GRID2: variants seen among roughly 807,000 people sequenced by gnomAD.
The protein encoded by GRID2 is glutamate receptor ionotropic, delta-2.
GRID2 carries 33 observed loss-of-function variants against 114.8 expected under a neutral mutation model. The observed-to-expected ratio is 0.29, with a 90% CI of 0.22 to 0.38. The LOEUF is 0.38. Ranked by LOEUF, GRID2 falls within the 10% of genes least tolerant of loss-of-function variation. The probability of loss-of-function intolerance (pLI) is 1.00; values close to 1 mark genes in which losing one functional copy is unlikely to be tolerated. For missense variants in GRID2, 1,184 were observed against 1,257.7 expected (o/e 0.94, Z 0.89); for synonymous variants, 505 against 449.9 (o/e 1.12, Z -1.55).
intron 2 of GRID2, among the ~76,000 whole-genome samples, chr4:93,011,752 G>C (rs1216707222): frequency 6.6e-6 from 1 of 152,030 alleles, no homozygotes; most frequent in Non-Finnish European, 1.5e-5. Context: ...ACTGGGAGAT[G>C]GCTTAGTTTT....
At chr4:93,574,235 TC>T (rs1560768511) in intron 13 of GRID2, among the ~76,000 whole-genome samples, 1 of 152,150 alleles carries the variant, frequency 6.6e-6, no homozygotes, top group African/African-American at 2.4e-5. Context: ...CATTTATCTT[TC>T]CTGTAGTGAA....
In GRID2 at chr4:93,731,617, G is replaced by A. The variant is rs141734943; in HGVS notation, c.2361-37593G>A. Among the ~76,000 whole-genome samples, 350 of 152,280 alleles carry A rather than the reference G, an allele frequency of 2.3e-3. 2 individuals are homozygous for A. The highest frequency in any genetic ancestry group is 8.1e-3 in the African/African-American group (337 of 41,548). On this transcript the variant is annotated intron_variant, in intron 14 of 15. Transcript: ENST00000282020. ...AAGGCAGGGAAGAGAAAAAGCCCCA[G>A]GACCTGGGGTGAAGCCTTCTAAGCA... is the stretch of plus-strand genomic sequence containing the variant.
At position 93,067,691 on chromosome 4, in the gene GRID2, G is replaced by GA. The variant is rs199752501; in HGVS notation, c.245-17295dup. 4.1e-4 allele frequency among the ~76,000 whole-genome samples: 61 copies of GA among 150,308 alleles called. No individual in the cohort carries two copies. The East Asian group carries it at 0.01, about 25-fold the overall frequency. ...AAAAAGAGATTTTCCTCTTCAGTTA[G>GA]AAAAAAAAACTTTCAAGAGCCACCT... On this transcript the variant is annotated intron_variant, in intron 2 of 15. Transcript: ENST00000282020.
intron 1 of GRID2, among the ~76,000 whole-genome samples, chr4:92,507,511 C>A (rs2149128657): frequency 6.6e-6 from 1 of 151,816 alleles, no homozygotes. Context: ...CTCCCTTTCA[C>A]TATTCCTCAT....
intron 2 of GRID2, among the ~76,000 whole-genome samples, chr4:92,903,299 C>A (rs1371821185): frequency 1.3e-5 from 2 of 151,496 alleles, no homozygotes; most frequent in Admixed American, 6.6e-5. Context: ...ACAATGTGAA[C>A]TCAGGCAGAT....
chr4:93,033,705 A>G (rs1724654161), intron 2 of GRID2, among the ~76,000 whole-genome samples: 1 of 151,714 alleles, frequency 6.6e-6, no homozygotes, highest in East Asian at 1.9e-4. Context: ...TTCTGTTTCA[A>G]CTTTTTTTCA....
intron 14 of GRID2, among the ~76,000 whole-genome samples, chr4:93,760,213 A>G (rs1733090234): frequency 1.3e-5 from 2 of 152,170 alleles, no homozygotes; most frequent in Non-Finnish European, 1.5e-5. Flanking sequence ...CACTGTTTTG[A>G]AAAGGCCTTT....
At chr4:92,776,588 T>C (rs1233658500) in intron 2 of GRID2, among the ~76,000 whole-genome samples, 1 of 152,004 alleles carries the variant, frequency 6.6e-6, no homozygotes, top group Admixed American at 6.6e-5. Flanking sequence ...ATTTTTTGAC[T>C]GTTCGTTTTT....
At chr4:92,510,836 T>C (rs932919663) in intron 1 of GRID2, among the ~76,000 whole-genome samples, 1 of 146,124 alleles carries the variant, frequency 6.8e-6, no homozygotes, top group African/African-American at 2.5e-5. Flanking sequence ...CCCATAAATA[T>C]GTACAATTAC....
In GRID2 at chr4:92,910,073, G is replaced by T. The variant is rs144056382; in HGVS notation, c.245-174922G>T. 4.6e-5 allele frequency among the ~76,000 whole-genome samples: 7 copies of T among 152,082 alleles called. No homozygotes were observed. In the East Asian group the frequency reaches 1.2e-3, roughly 25 times the overall value. ...CAGGCTTGGTGGTATGAAAATGAAG[G>T]CTGTACTCAGTGTTTGGTGAGAAAT... On this transcript the variant is annotated intron_variant, in intron 2 of 15. Coordinates refer to ENST00000282020, the MANE Select transcript of GRID2 (RefSeq NM_001510.4).
intron 8 of GRID2, among the ~76,000 whole-genome samples, chr4:93,323,672 T>C (rs892490123): frequency 8.5e-5 from 13 of 152,124 alleles, no homozygotes; most frequent in Non-Finnish European, 1.5e-4. Flanking sequence ...ATTCTTCGTG[T>C]CCATGAGCAT....
chr4:92,368,560 T>A (rs1305109369), intron 1 of GRID2, among the ~76,000 whole-genome samples: 1 of 152,130 alleles, frequency 6.6e-6, no homozygotes, highest in Non-Finnish European at 1.5e-5. Flanking sequence ...AGTTTTATAC[T>A]CACTTTGGAT....
intron 1 of GRID2, among the ~76,000 whole-genome samples, chr4:92,493,691 A>T (rs1305233462): frequency 6.6e-6 from 1 of 152,172 alleles, no homozygotes; most frequent in Non-Finnish European, 1.5e-5. Context: ...CTTAGGATAA[A>T]GCGTGATTGC....
rs141138294 is a variant in GRID2 at position 93,605,822 on chromosome 4, A to G, written c.2194-20447A>G. Among the ~76,000 whole-genome samples the G allele has an allele frequency of 7.9e-5, 12 of 152,342 alleles. No individual in the cohort carries two copies. The East Asian group carries it at 2.3e-3, about 29-fold the overall frequency. ...GGTAAGTATAATGCAATGTGCTAAAATGCTGCTTTAGGAGTAAATACAAGG... is the reference window on the plus strand; with the variant it reads ...GGTAAGTATAATGCAATGTGCTAAAGTGCTGCTTTAGGAGTAAATACAAGG... On this transcript the variant is annotated intron_variant, in intron 13 of 15. Coordinates refer to ENST00000282020, the MANE Select transcript of GRID2 (RefSeq NM_001510.4).
At chr4:93,223,064 ATTTCC>A (rs1745076762) in intron 6 of GRID2, among the ~76,000 whole-genome samples, 1 of 152,110 alleles carries the variant, frequency 6.6e-6, no homozygotes, top group African/African-American at 2.4e-5. Flanking sequence ...TATTATTTTG[ATTTCC>A]CTGGGCATGT....
chr4:93,713,675 G>A (rs1005888179), intron 14 of GRID2, among the ~76,000 whole-genome samples: 1 of 151,902 alleles, frequency 6.6e-6, no homozygotes, highest in African/African-American at 2.4e-5. Flanking sequence ...TTTTAGATAG[G>A]GTTACCAAGG....
intron 2 of GRID2, among the ~76,000 whole-genome samples, chr4:92,882,288 A>G (rs1746083376): frequency 6.6e-6 from 1 of 152,238 alleles, no homozygotes; most frequent in Non-Finnish European, 1.5e-5. Flanking sequence ...AACAGAGACA[A>G]GAATACCATT....
chr4:92,571,526 A>T (rs902217650), intron 1 of GRID2, among the ~76,000 whole-genome samples: 4 of 152,170 alleles, frequency 2.6e-5, no homozygotes, highest in Non-Finnish European at 5.9e-5. Flanking sequence ...CTCTGCACCA[A>T]ATGGACCTAA....
At chr4:93,326,934 C>T (rs1757899150) in intron 8 of GRID2, among the ~76,000 whole-genome samples, 1 of 152,100 alleles carries the variant, frequency 6.6e-6, no homozygotes, top group Admixed American at 6.5e-5. Context: ...GGGTTTCTAT[C>T]ACATCTGTTT....
Sources: gnomAD v4.1 joint callset for allele counts (sites outside exome capture counted in the v4.1 genomes callset) on GRCh38, gnomAD v4.1.1 for gene constraint, MANE v1.5 for transcripts, NCBI Gene and HGNC (gene_info 2026-07-23, HGNC 2026-07-21) for gene names.